FAM114A1: variants seen among roughly 807,000 people sequenced by gnomAD.
FAM114A1 encodes family with sequence similarity 114 member A1, also known as protein NOXP20.
A neutral mutation model predicts 64.3 loss-of-function variants in FAM114A1; 62 were observed. The observed-to-expected ratio is 0.96, with a 90% CI of 0.79 to 1.19. The LOEUF is 1.19. Among genes scored for constraint, FAM114A1 ranks in the 50% most tolerant of loss-of-function variants. The pLI, the probability that FAM114A1 is intolerant of heterozygous loss-of-function variation, is 0.00. For missense variants in FAM114A1, 645 were observed against 676.3 expected, an observed-to-expected ratio of 0.95 and a Z score of 0.51; for synonymous variants, 254 against 251.1, an observed-to-expected ratio of 1.01 and a Z score of -0.11.
chr4:38,921,854 AT>A (rs1719626676), intron 8 of FAM114A1, among the ~76,000 whole-genome samples: 1 of 152,128 alleles, frequency 6.6e-6, no homozygotes, highest in Admixed American at 6.6e-5. Flanking sequence ...ACCCAGTGTG[AT>A]AACTGACATC....
chr4:38,900,140 A>G (rs1717368905), intron 4 of FAM114A1, among the ~76,000 whole-genome samples: 1 of 152,118 alleles, frequency 6.6e-6, no homozygotes, highest in African/African-American at 2.4e-5. Flanking sequence ...CAAAACTATG[A>G]TGAGATAATA....
intron 7 of FAM114A1, among the ~76,000 whole-genome samples, chr4:38,908,986 A>G (rs1291341505): frequency 1.3e-5 from 2 of 152,254 alleles, no homozygotes; most frequent in Non-Finnish European, 2.9e-5. Flanking sequence ...ATGCAGCTAT[A>G]CATAAATATA....
intron 14 of FAM114A1, among the ~76,000 whole-genome samples, chr4:38,942,177 T>C (rs1721628659): frequency 6.6e-6 from 1 of 152,180 alleles, no homozygotes; most frequent in African/African-American, 2.4e-5. Context: ...CATGTGGAAA[T>C]TGTGGGACTT....
At chr4:38,883,627 A>C (rs975097098) in intron 3 of FAM114A1, among the ~76,000 whole-genome samples, 20 of 152,166 alleles carry the variant, frequency 1.3e-4, no homozygotes, top group Admixed American at 9.2e-4. Flanking sequence ...TCTCTCCCTA[A>C]AAAAGGAGAA....
intron 3 of FAM114A1, 72 bp from the exon 4 acceptor site, chr4:38,891,671 C>A: frequency 7.5e-7 from 1 of 1,338,670 alleles, no homozygotes; most frequent in Non-Finnish European, 1.0e-6. Flanking sequence ...CTCTTTGTTT[C>A]AAACCAATAG....
chr4:38,941,074 TAC>T, intron 14 of FAM114A1, 53 bp downstream of exon 14: 1 of 1,373,960 alleles, frequency 7.3e-7, no homozygotes, highest in Non-Finnish European at 9.8e-7. Flanking sequence ...ATGTTAGAAC[TAC>T]TTTTTTTTTT....
chr4:38,900,587 A>G (rs1242636204), intron 4 of FAM114A1, among the ~76,000 whole-genome samples: 1 of 151,694 alleles, frequency 6.6e-6, no homozygotes, highest in Non-Finnish European at 1.5e-5. Context: ...AAATTCTGAC[A>G]TATGTTACAA....
At chr4:38,909,550 CTT>C (rs33988159) in intron 7 of FAM114A1, among the ~76,000 whole-genome samples, 15,987 of 152,084 alleles carry the variant, frequency 0.11, 2,339 homozygotes, top group African/African-American at 0.33. Context: ...TAATATTAGT[CTT>C]GTTTTCCAAA....
At chr4:38,924,811 T>A (rs1579388444) in intron 9 of FAM114A1, among the ~76,000 whole-genome samples, 1 of 152,194 alleles carries the variant, frequency 6.6e-6, no homozygotes, top group African/African-American at 2.4e-5. Context: ...AGATGCCCCT[T>A]TCCCAGACTA....
intron 4 of FAM114A1, among the ~76,000 whole-genome samples, chr4:38,904,766 G>A (rs1717823653): frequency 6.6e-6 from 1 of 152,182 alleles, no homozygotes; most frequent in South Asian, 2.1e-4. Flanking sequence ...TGCTAAGCCT[G>A]CAAGGAATCA....
intron 3 of FAM114A1, among the ~76,000 whole-genome samples, chr4:38,886,146 G>A (rs982215244): frequency 7.9e-5 from 12 of 151,846 alleles, no homozygotes; most frequent in African/African-American, 2.4e-4. Flanking sequence ...GGATGGACAA[G>A]GGAGGTGAAT....
At chr4:38,931,634 T>G in intron 11 of FAM114A1, 22 bp downstream of exon 11, 1 of 1,602,964 alleles carries the variant, frequency 6.2e-7, no homozygotes, top group Non-Finnish European at 8.5e-7. Flanking sequence ...CTAGATTGTC[T>G]GCCTACAAGG....
chr4:38,875,087 T>C (rs898062582), intron 2 of FAM114A1, among the ~76,000 whole-genome samples: 2 of 152,196 alleles, frequency 1.3e-5, no homozygotes, highest in African/African-American at 4.8e-5. Flanking sequence ...CCTTGTAGTA[T>C]AGTTTGAAGT....
chr4:38,909,344 C>T lies in FAM114A1; in HGVS notation c.792+618C>T, dbSNP rs533239816. On this transcript the variant is annotated intron_variant, in intron 7 of 14. Transcript: ENST00000358869. ...TCAGAAATGTTAGTTGTTGTCATTG[C>T]CGTTATTATGTGTCGGTATAATAGG... Among the ~76,000 whole-genome samples the T allele has an allele frequency of 2.6e-4, 39 of 152,186 alleles. 1 individual carries two copies. In the South Asian group the frequency reaches 4.4e-3, roughly 17 times the overall value.
intron 3 of FAM114A1, among the ~76,000 whole-genome samples, chr4:38,885,816 G>A (rs1715739429): frequency 6.6e-6 from 1 of 152,166 alleles, no homozygotes; most frequent in African/African-American, 2.4e-5. Context: ...TTATTGGAAT[G>A]CTGACAGCAC....
chr4:38,875,962 A>T (rs1243181193), intron 2 of FAM114A1, among the ~76,000 whole-genome samples: 1 of 152,006 alleles, frequency 6.6e-6, no homozygotes, highest in East Asian at 1.9e-4. Context: ...TACATTCCTT[A>T]TTTGGTTTCT....
chr4:38,890,089 C>G (rs1347967532), intron 3 of FAM114A1, among the ~76,000 whole-genome samples: 1 of 152,062 alleles, frequency 6.6e-6, no homozygotes, highest in Non-Finnish European at 1.5e-5. Flanking sequence ...TTCATATGGC[C>G]ATCCTTATCT....
intron 12 of FAM114A1, among the ~76,000 whole-genome samples, chr4:38,935,237 G>A (rs115668588): frequency 1.3e-4 from 20 of 152,112 alleles, no homozygotes; most frequent in Non-Finnish European, 2.5e-4. Context: ...TTAAATGTCC[G>A]ATTTTCCATC....
intron 11 of FAM114A1, 108 bp downstream of exon 11, chr4:38,931,720 G>T (rs1720659230): frequency 8.2e-7 from 1 of 1,217,778 alleles, no homozygotes; most frequent in African/African-American, 1.6e-5. Context: ...TTTGTTCCGT[G>T]TTATAGAAAT....
Sources: gnomAD v4.1 joint callset for allele counts (sites outside exome capture counted in the v4.1 genomes callset) on GRCh38, gnomAD v4.1.1 for gene constraint, MANE v1.5 for transcripts, NCBI Gene and HGNC (gene_info 2026-07-23, HGNC 2026-07-21) for gene names.